ADPRHL1: variants seen among roughly 807,000 people sequenced by gnomAD.
ADPRHL1 encodes the protein inactive ADP-ribosyltransferase ARH2.
A neutral mutation model predicts 44.1 loss-of-function variants in ADPRHL1; 43 were observed. The ratio of observed to expected loss-of-function variants is 0.98; its 90% CI spans 0.76 to 1.26. The LOEUF (loss-of-function observed/expected upper bound fraction) is 1.26. Ranked by LOEUF, ADPRHL1 falls within the 50% of genes most tolerant of loss-of-function variation. The pLI, the probability that ADPRHL1 is intolerant of heterozygous loss-of-function variation, is 0.00. For synonymous variants in ADPRHL1, 878 were observed against 1,017.4 expected, an observed-to-expected ratio of 0.86 and a Z score of 2.61; for missense variants, 2,022 against 2,496.9, an observed-to-expected ratio of 0.81 and a Z score of 4.05.
At chr13:113,408,776 AAG>A (rs1877831690) in intron 7 of ADPRHL1, among the ~76,000 whole-genome samples, 1 of 150,940 alleles carries the variant, frequency 6.6e-6, no homozygotes, top group Non-Finnish European at 1.5e-5. Context: ...AGAAGGCAGA[AAG>A]AGTTTCCTCA....
intron 1 of ADPRHL1, chr13:113,449,068 G>T: frequency 2.0e-6 from 2 of 987,418 alleles, no homozygotes; most frequent in Non-Finnish European, 1.2e-6. Context: ...TCAGGGCCAT[G>T]GATGCCACCT....
intron 2 of ADPRHL1, among the ~76,000 whole-genome samples, 168 bp downstream of exon 2, chr13:113,444,257 A>G (rs1191295652): frequency 6.6e-6 from 1 of 150,720 alleles, no homozygotes; most frequent in Non-Finnish European, 1.5e-5. Context: ...AGACGCCCGC[A>G]CTGGCCGGGC....
intron 7 of ADPRHL1, among the ~76,000 whole-genome samples, chr13:113,417,258 C>T (rs371623187): frequency 1.6e-4 from 25 of 152,340 alleles, no homozygotes; most frequent in African/African-American, 4.8e-4. Flanking sequence ...TGGTCCCCGC[C>T]GGCACCACCA....
rs905948221 is a variant in ADPRHL1 at position 113,400,821 on chromosome 13, A to T, written c.*2557T>A. ...AGCAGGTGGCCTCCTGGCCGCTCAC[A>T]GACTCTGCGCCCGCCAGACTGTGAG... On this transcript the variant is annotated 3_prime_UTR_variant, in exon 8 of 8. Coordinates refer to ENST00000612156, the MANE Select transcript of ADPRHL1 (RefSeq NM_001394807.1). The T allele has an allele frequency of 6.6e-6, 1 of 152,216 alleles. No individual in the cohort carries two copies. The highest frequency in any genetic ancestry group is 1.5e-5 in the Non-Finnish European group (1 of 68,040). 9.4% of individuals were successfully genotyped at this position (152,216 alleles called of 1,614,324 possible).
In ADPRHL1 at chr13:113,407,694, G is replaced by A. The variant is rs371706522; in HGVS notation, c.1588C>T (p.Arg530Trp). ...AAGAGGCCCCTGGCGGCTTTGGGCC[G>A]CTCCACAGGGGGCTTCTCGCGTGCT... Reference protein sequence around the residue: ...KEAREKPPVERPKAARGLLPK... With the variant: ...KEAREKPPVEWPKAARGLLPK... The change falls in exon 8 of 8, where the codon CGG becomes TGG. Residue 530 changes from arginine (R) to tryptophan (W), a missense_variant. By Grantham distance (101) the Arg-to-Trp change is moderately radical (BLOSUM62 -3). Coordinates refer to ENST00000612156, the MANE Select transcript of ADPRHL1 (RefSeq NM_001394807.1). The A allele has an allele frequency of 2.5e-4, 305 of 1,232,058 alleles. 1 individual carries two copies. In the African/African-American group the frequency reaches 3.1e-3, roughly 13 times the overall value. The allele number at this position is 1,232,058 out of a possible 1,614,324, so 76.3% of individuals were successfully genotyped here. A position where few individuals can be genotyped will look rare whatever the true frequency, so the allele number is the denominator to read the frequency against.
At chr13:113,429,186 G>T in intron 3 of ADPRHL1, 94 bp from the exon 4 acceptor site, 1 of 1,492,908 alleles carries the variant, frequency 6.7e-7, no homozygotes, top group South Asian at 1.2e-5. Context: ...TCCCGAGGAA[G>T]GGTTTGCTCG....
chr13:113,432,637 A>T (rs7139776), intron 3 of ADPRHL1, among the ~76,000 whole-genome samples: 1 of 152,102 alleles, frequency 6.6e-6, no homozygotes. Flanking sequence ...AAAGGCACGC[A>T]CCTGCTTTGC....
intron 4 of ADPRHL1, among the ~76,000 whole-genome samples, chr13:113,425,705 G>C (rs1351491023): frequency 1.4e-5 from 2 of 139,974 alleles, no homozygotes; most frequent in African/African-American, 5.4e-5. Context: ...TTTTGAGACG[G>C]AGTCTCTCTC....
intron 2 of ADPRHL1, among the ~76,000 whole-genome samples, chr13:113,440,458 CTT>C (rs758896751): frequency 2.7e-4 from 38 of 142,224 alleles, no homozygotes; most frequent in African/African-American, 6.1e-4. Context: ...ATTTTTCCAT[CTT>C]TTTTTTTTTT....
chr13:113,433,650 G>GCCCCCC, intron 3 of ADPRHL1, 92 bp downstream of exon 3: 1 of 1,334,010 alleles, frequency 7.5e-7, no homozygotes, highest in Non-Finnish European at 9.6e-7. Flanking sequence ...CCAGGCCCCC[G>GCCCCCC]CCCCCCACCC....
chr13:113,449,441 T>C (rs56298269), intron 1 of ADPRHL1, among the ~76,000 whole-genome samples: 1 of 107,026 alleles, frequency 9.3e-6, no homozygotes, highest in Non-Finnish European at 1.9e-5. Flanking sequence ...CTGGAAGGAG[T>C]GAGCCCCGTT....
rs772727236 is a variant in ADPRHL1, at chr13:113,407,714, C to T, written c.1568G>A (p.Arg523His). Residue 523 changes from arginine (R) to histidine (H), a missense_variant, in exon 8 of 8, where the codon CGC (arginine) becomes CAC (histidine). By Grantham distance (29) the Arg-to-His change is conservative. Around this residue, in one of 8 missense-constraint regions of ADPRHL1, gnomAD observed 1,221 missense variants for 1,517.8 expected, o/e 0.80. Transcript: ENST00000612156. ...GGGCCGCTCCACAGGGGGCTTCTCGCGTGCTTCTTTCTCCTTCGCCTCCTT... is the reference window on the plus strand; with the variant it reads ...GGGCCGCTCCACAGGGGGCTTCTCGTGTGCTTCTTTCTCCTTCGCCTCCTT... ...EEKEAKEKEA[R>H]EKPPVERPKA... 132 of 1,232,002 alleles carry T rather than the reference C, an allele frequency of 1.1e-4. 2 individuals are homozygous for T. The highest frequency in any genetic ancestry group is 1.2e-4 in the Non-Finnish European group (123 of 988,050). The allele number at this position is 1,232,002 out of a possible 1,614,324, so 76.3% of individuals were successfully genotyped here. A position where few individuals can be genotyped will look rare whatever the true frequency, so the allele number is the denominator to read the frequency against.
Position 113,407,476 on chromosome 13 carries a change from G to A in ADPRHL1, c.1806C>T (p.Cys602=), listed in dbSNP as rs1311139902. 18 of 1,231,974 alleles carry A rather than the reference G, an allele frequency of 1.5e-5. No homozygotes were observed. Among genetic ancestry groups the A allele is most frequent in the Non-Finnish European group, 1.7e-5 (17 of 988,050 alleles). 76.3% of individuals were successfully genotyped at this position (1,231,974 alleles called of 1,614,324 possible). Residue 602 remains cysteine (C), a synonymous_variant, in exon 8 of 8, where the codon TGC becomes TGT. Transcript: ENST00000612156. ...VLHTATMAST[C]VKMPPARFLA... ...GAAAGCGGGCAGGGGGCATCTTGAC[G>A]CAGGTGCTGGCCATGGTGGCCGTGT...
At position 113,407,180 on chromosome 13, in the gene ADPRHL1, G is replaced by C. The variant is rs1411940205; in HGVS notation, c.2102C>G (p.Ala701Gly). 8.1e-7 allele frequency: 1 copy of C among 1,232,142 alleles called. No individual in the cohort carries two copies. Among genetic ancestry groups the C allele is most frequent in the East Asian group, 3.2e-5 (1 of 31,726 alleles). The allele number at this position is 1,232,142 out of a possible 1,614,324, so 76.3% of individuals were successfully genotyped here. A position where few individuals can be genotyped will look rare whatever the true frequency, so the allele number is the denominator to read the frequency against. ...ACAAGAGAAGGCCAGCGAGGGGACA[G>C]CGTGGCCGTCCCTCTGAGCCATCAC... ...PQVMAQRDGH[A>G]VPSLAFSCAP... is the part of the protein sequence containing the mutation. The change falls in exon 8 of 8, where the codon GCT becomes GGT. Residue 701 changes from alanine (A) to glycine (G), a missense_variant. By Grantham distance (60) the Ala-to-Gly change is moderately conservative (BLOSUM62 0). Around this residue, in one of 8 missense-constraint regions of ADPRHL1, gnomAD observed 1,221 missense variants for 1,517.8 expected, o/e 0.80. Coordinates refer to ENST00000612156, the MANE Select transcript of ADPRHL1 (RefSeq NM_001394807.1).
At chr13:113,424,991 A>G (rs2043957576) in intron 5 of ADPRHL1, 61 bp downstream of exon 5, 13 of 1,598,500 alleles carry the variant, frequency 8.1e-6, no homozygotes, top group Non-Finnish European at 1.1e-5. Flanking sequence ...TCCACTTGCT[A>G]TGCACTTATT....
chr13:113,424,989 C>T, intron 5 of ADPRHL1, 63 bp downstream of exon 5: 1 of 1,597,354 alleles, frequency 6.3e-7, no homozygotes, highest in Non-Finnish European at 8.6e-7. Flanking sequence ...CATCCACTTG[C>T]TATGCACTTA....
At chr13:113,426,339 C>T (rs959489159) in intron 4 of ADPRHL1, among the ~76,000 whole-genome samples, 2 of 152,240 alleles carry the variant, frequency 1.3e-5, no homozygotes, top group Admixed American at 6.5e-5. Flanking sequence ...CCTGGCACCG[C>T]GGGAGCCACA....
chr13:113,448,628 C>A (rs921281043), intron 1 of ADPRHL1, among the ~76,000 whole-genome samples: 1 of 152,026 alleles, frequency 6.6e-6, no homozygotes, highest in Admixed American at 6.6e-5. Context: ...GTTATCAGGG[C>A]CCCGGGAGAG....
rs1233964109 is a variant in ADPRHL1 at position 113,401,945 on chromosome 13, C to T, written c.*1433G>A. The T allele has an allele frequency of 6.6e-6, 1 of 152,284 alleles. No individual in the cohort carries two copies. The highest frequency in any genetic ancestry group is 1.5e-5 in the Non-Finnish European group (1 of 68,066). 9.4% of individuals were successfully genotyped at this position (152,284 alleles called of 1,614,324 possible). On this transcript the variant is annotated 3_prime_UTR_variant, in exon 8 of 8. Coordinates refer to ENST00000612156, the MANE Select transcript of ADPRHL1 (RefSeq NM_001394807.1). This position sits in a 1 kb window ranked among gnomAD's most constrained non-coding sequence, Gnocchi z 5.5. ...TCTCAGGGCCGACACTGGAAAACAC[C>T]TTCCTCTAAAGGAACATCCGAGTCA... is the stretch of plus-strand genomic sequence containing the variant.
Sources: allele counts gnomAD v4.1 joint callset (sites outside exome capture counted in the v4.1 genomes callset), GRCh38; gene constraint gnomAD v4.1.1; regional missense constraint gnomAD v4.1.1; non-coding constraint Gnocchi (gnomAD v3.1); transcripts MANE v1.5; gene names NCBI Gene and HGNC (gene_info 2026-07-23, HGNC 2026-07-21).